The following BPTF variants were observed in gnomAD, a reference collection of about 807,000 sequenced individuals.
BPTF encodes the protein bromodomain PHD finger transcription factor, also known as nucleosome-remodeling factor subunit BPTF.
Under a neutral mutation model 292.5 loss-of-function variants are expected in BPTF, and 18 were observed. That is an observed-to-expected ratio of 0.06 (90% confidence interval 0.04 to 0.09). The LOEUF (loss-of-function observed/expected upper bound fraction) is 0.09, where lower values mean the gene tolerates loss of function less well. Among genes scored for constraint, BPTF ranks in the 10% least tolerant of loss-of-function variants. The pLI is 1.00. For synonymous variants in BPTF, 1,225 were observed against 1,251.9 expected, an observed-to-expected ratio of 0.98 and a Z score of 0.45; for missense variants, 2,726 against 3,498.7, an observed-to-expected ratio of 0.78 and a Z score of 5.57.
In BPTF at chr17:67,980,385, G is replaced by A. The variant is rs551431472; in HGVS notation, c.8727-1867G>A. On this transcript the variant is annotated intron_variant, in intron 27 of 27. Transcript: ENST00000306378. ...TACCCAGAGAACTGAAAAGTCAAAG[G>A]GATTGATCATAGGGAGCCTGGATTT... Among the ~76,000 whole-genome samples the A allele has an allele frequency of 2.2e-4, 33 of 152,264 alleles. No homozygotes were observed. In the South Asian group the frequency reaches 3.5e-3, roughly 16 times the overall value.
chr17:67,854,712 A>G lies in BPTF; in HGVS notation c.1386A>G (p.Gly462=), dbSNP rs1445273593. ...NKPYIRHEPI[G]YDRSRRKYWF... Reference sequence around the variant, plus strand: ...CATATATTCGACATGAACCTATTGGATATGATAGAAGTCGGAGGAAATACT... The same window carrying G: ...CATATATTCGACATGAACCTATTGGGTATGATAGAAGTCGGAGGAAATACT... The change falls in exon 2 of 28, where the codon GGA becomes GGG. Residue 462 remains glycine, a synonymous_variant. Transcript: ENST00000306378. This position sits in a 1 kb window ranked among gnomAD's most constrained non-coding sequence, Gnocchi z 5.6. The G allele has an allele frequency of 2.5e-6, 4 of 1,614,116 alleles. No individual in the cohort carries two copies. The highest frequency in any genetic ancestry group is 1.3e-5 in the African/African-American group (1 of 74,938).
intron 14 of BPTF, among the ~76,000 whole-genome samples, chr17:67,923,530 T>G (rs1418281832): frequency 1.5e-5 from 2 of 132,162 alleles, no homozygotes; most frequent in Admixed American, 1.8e-4. Context: ...TCAGCTAGGC[T>G]GGAGTGCAGT....
rs183679772 is a variant in BPTF at position 67,847,468 on chromosome 17, C to A, written c.614-6472C>A. Among the ~76,000 whole-genome samples the A allele has an allele frequency of 6.0e-5, 9 of 151,128 alleles. No individual in the cohort carries two copies. In the East Asian group the frequency reaches 1.8e-3, roughly 30 times the overall value. ...GGCAGAGCTTGCAGTGAGCAGAGGT[C>A]GCGCCACTGCACTCCAGCGTGGGTG... On this transcript the variant is annotated intron_variant, in intron 1 of 27. Transcript: ENST00000306378.
chr17:67,826,036 C>T lies in BPTF; in HGVS notation c.312C>T (p.Gly104=). ...GAGGCGGGGGCGGCAGGACGGGGGG[C>T]GGGGGCGGCGGCGGCCACCTGGCCC... ...GRGGGGGRTG[G]GGGGGHLART... is the part of the protein sequence containing the mutation. The change falls in exon 1 of 28, where the codon GGC becomes GGT. Residue 104 remains glycine, a synonymous_variant. Coordinates refer to ENST00000306378, the MANE Select transcript of BPTF (RefSeq NM_182641.4). 2 of 1,171,652 alleles carry T rather than the reference C, an allele frequency of 1.7e-6. No homozygotes were observed. The highest frequency in any genetic ancestry group is 1.1e-6 in the Non-Finnish European group (1 of 924,210). The allele number at this position is 1,171,652 out of a possible 1,614,324, so 72.6% of individuals were successfully genotyped here.
chr17:67,910,314 T>G (rs2062565951), intron 10 of BPTF, among the ~76,000 whole-genome samples: 1 of 152,244 alleles, frequency 6.6e-6, no homozygotes, highest in African/African-American at 2.4e-5. Context: ...AATGCTGCTA[T>G]GAACATTCAT....
intron 13 of BPTF, among the ~76,000 whole-genome samples, chr17:67,921,724 A>G (rs2147216103): frequency 6.6e-6 from 1 of 152,020 alleles, no homozygotes; most frequent in African/African-American, 2.4e-5. Context: ...CTAGTAGATG[A>G]TAAATTTTAG....
intron 12 of BPTF, among the ~76,000 whole-genome samples, chr17:67,919,221 A>AAT (rs2063274223): frequency 7.0e-6 from 1 of 142,636 alleles, no homozygotes; most frequent in Admixed American, 7.1e-5. Context: ...ATAATAATAA[A>AAT]ATATAATGCT....
chr17:67,982,028 A>G (rs1418610731), intron 27 of BPTF: 1 of 184,966 alleles, frequency 5.4e-6, no homozygotes, highest in South Asian at 1.2e-4. Flanking sequence ...TATATATTTA[A>G]ATATTGGCTT....
At chr17:67,856,790 C>T (rs2058716002) in intron 2 of BPTF, among the ~76,000 whole-genome samples, 2 of 152,304 alleles carry the variant, frequency 1.3e-5, no homozygotes, top group African/African-American at 4.8e-5. Flanking sequence ...GCATTTACTA[C>T]TTGTATTGTC....
chr17:67,887,175 A>G (rs952911249), intron 4 of BPTF, among the ~76,000 whole-genome samples: 9 of 152,190 alleles, frequency 5.9e-5, no homozygotes, highest in Non-Finnish European at 1.3e-4. Context: ...AATGGTGAAA[A>G]GTATTTCGTA....
At chr17:67,944,583 TAAAAA>T (rs576333455) in intron 20 of BPTF, 421 of 582,862 alleles carry the variant, frequency 7.2e-4, no homozygotes, top group African/African-American at 7.0e-3. Context: ...TCCCTCCTAT[TAAAAA>T]AGAGAGAGAG....
At chr17:67,899,008 T>C (rs2061641989) in intron 7 of BPTF, among the ~76,000 whole-genome samples, 1 of 151,636 alleles carries the variant, frequency 6.6e-6, no homozygotes, top group African/African-American at 2.4e-5. Context: ...TGTCAAGATA[T>C]AGACACAATT....
chr17:67,910,163 T>C (rs2062555723), intron 10 of BPTF, among the ~76,000 whole-genome samples: 2 of 152,326 alleles, frequency 1.3e-5, no homozygotes, highest in Admixed American at 1.3e-4. Context: ...CTTAGCATGG[T>C]TTTAAGGTTC....
intron 23 of BPTF, among the ~76,000 whole-genome samples, chr17:67,954,153 C>T (rs2066701529): frequency 7.8e-6 from 1 of 127,588 alleles, no homozygotes; most frequent in African/African-American, 2.6e-5. Flanking sequence ...CCATGCCACC[C>T]TGTCTGGCTA....
At chr17:67,875,130 A>G in intron 4 of BPTF, 110 bp downstream of exon 4, 2 of 917,428 alleles carry the variant, frequency 2.2e-6, no homozygotes, top group Non-Finnish European at 3.3e-6. Flanking sequence ...ACCTAATTTA[A>G]TATTTCTAAA....
intron 26 of BPTF, among the ~76,000 whole-genome samples, chr17:67,971,229 C>A (rs183554525): frequency 1.3e-4 from 20 of 152,262 alleles, no homozygotes; most frequent in Admixed American, 1.3e-3. Flanking sequence ...CAGGCATGCG[C>A]CACCACACCC....
At chr17:67,861,828 G>C (rs2145297042) in intron 2 of BPTF, among the ~76,000 whole-genome samples, 1 of 152,208 alleles carries the variant, frequency 6.6e-6, no homozygotes, top group South Asian at 2.1e-4. Context: ...AAAACCTGTT[G>C]GCTAACTAGC....
chr17:67,854,829 G>GC lies in BPTF; in HGVS notation c.1436+67_1436+68insC. 1 of 1,130,756 alleles carries GC rather than the reference G, an allele frequency of 8.8e-7. No homozygotes were observed. Among genetic ancestry groups the GC allele is most frequent in the Non-Finnish European group, 1.3e-6 (1 of 777,834 alleles). The allele number at this position is 1,130,756 out of a possible 1,614,324, so 70.0% of individuals were successfully genotyped here. On this transcript the variant is annotated intron_variant, in intron 2 of 27. Coordinates refer to ENST00000306378, the MANE Select transcript of BPTF (RefSeq NM_182641.4). The surrounding 1 kb of genome is among the most constrained non-coding windows in gnomAD (Gnocchi z 5.6). ...TAGACTAGTTTCCTTCGTGATTGAT[G>GC]TAGCAGAGCTATGCTGTTGATGTGG...
At chr17:67,858,381 A>C (rs1224800646) in intron 2 of BPTF, among the ~76,000 whole-genome samples, 81 of 152,208 alleles carry the variant, frequency 5.3e-4, no homozygotes, top group Non-Finnish European at 1.5e-4. Context: ...AACCTTTGTC[A>C]GCAAGGTCAT....
Sources: allele counts gnomAD v4.1 joint callset (sites outside exome capture counted in the v4.1 genomes callset), GRCh38; gene constraint gnomAD v4.1.1; non-coding constraint Gnocchi (gnomAD v3.1); transcripts MANE v1.5; gene names NCBI Gene and HGNC (gene_info 2026-07-23, HGNC 2026-07-21).